Variants in SMG1 observed in about 807,000 individuals in gnomAD.
SMG1 encodes serine/threonine-protein kinase SMG1.
A neutral mutation model predicts 419.9 loss-of-function variants in SMG1; 22 were observed. That is an observed-to-expected ratio of 0.05 (90% CI 0.04 to 0.07). SMG1 has a LOEUF of 0.07. Among genes scored for constraint, SMG1 ranks in the 10% least tolerant of loss-of-function variants. The pLI is 1.00. For missense variants in SMG1, 3,185 were observed against 4,342.0 expected, an observed-to-expected ratio of 0.73 and a Z score of 7.49; for synonymous variants, 1,538 against 1,553.5, an observed-to-expected ratio of 0.99 and a Z score of 0.23.
chr16:18,873,718 G>A (rs959852204), intron 13 of SMG1, among the ~76,000 whole-genome samples: 3 of 152,190 alleles, frequency 2.0e-5, no homozygotes, highest in Non-Finnish European at 2.9e-5. Context: ...GAAGTAGACT[G>A]TATTTCCTCA....
intron 13 of SMG1, chr16:18,875,629 A>G (rs919566435): frequency 1.3e-5 from 2 of 155,088 alleles, no homozygotes; most frequent in African/African-American, 2.4e-5. Context: ...TCCAAAATCC[A>G]AAACACTTCC....
intron 36 of SMG1, 126 bp downstream of exon 36, chr16:18,849,091 A>ACCCTAC: frequency 4.4e-6 from 1 of 224,844 alleles, no homozygotes; most frequent in Non-Finnish European, 8.1e-6. Flanking sequence ...AAAAAAAAAA[A>ACCCTAC]AAAAAAAAAA....
At position 18,885,582 on chromosome 16, in the gene SMG1, C is replaced by G; in HGVS notation, c.907G>C (p.Val303Leu). Residue 303 changes from valine (V) to leucine (L), a missense_variant, in exon 7 of 63, where the codon GTG (valine) becomes CTG (leucine). Coordinates refer to ENST00000446231, the MANE Select transcript of SMG1 (RefSeq NM_015092.5). ...AAAATATGAGGGTAACATCGAGCCACCAAAAGAATGCACTTAACACATTTA... is the reference window on the plus strand; with the variant it reads ...AAAATATGAGGGTAACATCGAGCCAGCAAAAGAATGCACTTAACACATTTA... ...LCKCVKCILL[V>L]ARCYPHIFST... 6.3e-7 allele frequency: 1 copy of G among 1,596,042 alleles called. No individual in the cohort carries two copies. The highest frequency in any genetic ancestry group is 1.3e-5 in the African/African-American group (1 of 74,908).
At chr16:18,883,045 C>T (rs1300695659) in intron 9 of SMG1, among the ~76,000 whole-genome samples, 1 of 151,910 alleles carries the variant, frequency 6.6e-6, no homozygotes, top group African/African-American at 2.4e-5. Context: ...AACACAGAAG[C>T]GAAACACTTC....
At chr16:18,835,207 C>A (rs1251800679) in intron 48 of SMG1, 43 bp from the exon 49 acceptor site, 3 of 1,550,546 alleles carry the variant, frequency 1.9e-6, no homozygotes, top group Admixed American at 3.8e-5. Flanking sequence ...ACACAACCAC[C>A]CCCAACATAC....
At chr16:18,881,183 C>A (rs982044818) in intron 10 of SMG1, among the ~76,000 whole-genome samples, 2 of 151,290 alleles carry the variant, frequency 1.3e-5, no homozygotes, top group African/African-American at 4.8e-5. Context: ...TCTCAAAGGC[C>A]TAAAAGATCC....
chr16:18,882,839 C>CA (rs1479141639), intron 9 of SMG1, among the ~76,000 whole-genome samples: 1 of 152,112 alleles, frequency 6.6e-6, no homozygotes, highest in African/African-American at 2.4e-5. Flanking sequence ...ACAAGATTCG[C>CA]AAAAACTGGG....
At chr16:18,900,460 A>C (rs2037302799) in intron 1 of SMG1, among the ~76,000 whole-genome samples, 1 of 152,204 alleles carries the variant, frequency 6.6e-6, no homozygotes, top group Admixed American at 6.5e-5. Flanking sequence ...GTAGCCTTGC[A>C]GTCCATTCTT....
chr16:18,871,480 T>C lies in SMG1; in HGVS notation c.2186A>G (p.Lys729Arg). Reference protein sequence around the residue: ...KKDNLNQDTRKLLMTWALEAA... With the variant: ...KKDNLNQDTRRLLMTWALEAA... ...TTCCAAAGCCCAAGTCATTAACAGT[T>C]TCCTGAAACACAAAATATACAGTTG... Residue 729 changes from lysine (K) to arginine (R), a missense_variant and splice_region_variant, in exon 16 of 63, where the codon AAA (lysine) becomes AGA (arginine). Physicochemically the swap from Lys to Arg is conservative, Grantham distance 26. This residue lies in a region of SMG1 where 297 missense variants were observed against 491.0 expected (regional missense o/e 0.60). Coordinates refer to ENST00000446231, the MANE Select transcript of SMG1 (RefSeq NM_015092.5). 6.4e-7 allele frequency: 1 copy of C among 1,554,888 alleles called. No individual in the cohort carries two copies. The highest frequency in any genetic ancestry group is 1.2e-5 in the South Asian group (1 of 83,692).
chr16:18,815,140 T>G, intron 60 of SMG1, 35 bp downstream of exon 60: 1 of 1,333,070 alleles, frequency 7.5e-7, no homozygotes, highest in Non-Finnish European at 1.1e-6. Flanking sequence ...TGTGTAACAT[T>G]AACAACAGAT....
chr16:18,874,763 G>A (rs1347013944), intron 13 of SMG1, among the ~76,000 whole-genome samples: 1 of 148,958 alleles, frequency 6.7e-6, no homozygotes, highest in Non-Finnish European at 1.5e-5. Context: ...CTGCTCGGGA[G>A]GCTGAGGCAG....
intron 1 of SMG1, among the ~76,000 whole-genome samples, chr16:18,924,675 G>A (rs571362052): frequency 1.3e-5 from 2 of 151,146 alleles, no homozygotes; most frequent in African/African-American, 4.8e-5. Flanking sequence ...TTTTTTTTAC[G>A]ACTAAACATC....
intron 3 of SMG1, among the ~76,000 whole-genome samples, chr16:18,893,592 C>T (rs1366676662): frequency 6.6e-6 from 1 of 152,060 alleles, no homozygotes; most frequent in Non-Finnish European, 1.5e-5. Context: ...TGCATTCCAG[C>T]CTGGGTGACA....
rs553763316 is a variant in SMG1 at position 18,863,083 on chromosome 16, T to C, written c.3695+567A>G. 6.6e-5 allele frequency among the ~76,000 whole-genome samples: 10 copies of C among 152,368 alleles called. No homozygotes were observed. In the South Asian group the frequency reaches 1.2e-3, roughly 19 times the overall value. ...TCTGTTTTATGTGCTGCCTGGGTCA[T>C]AGTACATGCTCAGTGAAGCAATTAC... On this transcript the variant is annotated intron_variant, in intron 25 of 62. Transcript: ENST00000446231.
chr16:18,829,411 T>C lies in SMG1; in HGVS notation c.9478A>G (p.Thr3160Ala), dbSNP rs756073476. ...KFSQLVMNRA[T>A]VLASSYDTAW... ...GTGTCGTAAGAACTTGCTAACACAG[T>C]TGCCCTGTTCATAACCAGCTGAGAG... Residue 3160 changes from threonine (T) to alanine (A), a missense_variant, in exon 54 of 63, where the codon ACT (threonine) becomes GCT (alanine). This residue lies in a region of SMG1 where 737 missense variants were observed against 846.6 expected (regional missense o/e 0.87). Coordinates refer to ENST00000446231, the MANE Select transcript of SMG1 (RefSeq NM_015092.5). 24 of 1,613,936 alleles carry C rather than the reference T, an allele frequency of 1.5e-5. No homozygotes were observed. Among genetic ancestry groups the C allele is most frequent in the Middle Eastern group, 3.3e-4 (2 of 6,084 alleles).
At chr16:18,857,429 A>G (rs879662373) in intron 29 of SMG1, 5 of 152,264 alleles carry the variant, frequency 3.3e-5, no homozygotes, top group East Asian at 1.9e-4. Flanking sequence ...GAACACAAAA[A>G]TAAGTCTTAT....
At chr16:18,902,730 G>A in intron 1 of SMG1, among the ~76,000 whole-genome samples, 1 of 151,458 alleles carries the variant, frequency 6.6e-6, no homozygotes. Flanking sequence ...GAGTGGTCTT[G>A]GGAACCCCCA....
chr16:18,817,607 A>C (rs970595688), intron 56 of SMG1, 137 bp from the exon 57 acceptor site: 9 of 673,796 alleles, frequency 1.3e-5, no homozygotes, highest in Non-Finnish European at 2.2e-5. Context: ...AATGTTTGGG[A>C]AATAGACCAA....
At chr16:18,876,481 C>A in intron 12 of SMG1, 88 bp from the exon 13 acceptor site, 1 of 1,408,874 alleles carries the variant, frequency 7.1e-7, no homozygotes, top group Non-Finnish European at 9.6e-7. Flanking sequence ...TGTATTAGTG[C>A]TGACGATACA....
Sources: gnomAD v4.1 joint callset for allele counts (sites outside exome capture counted in the v4.1 genomes callset) on GRCh38, gnomAD v4.1.1 for gene constraint, gnomAD v4.1.1 regional missense constraint, MANE v1.5 for transcripts, NCBI Gene and HGNC (gene_info 2026-07-23, HGNC 2026-07-21) for gene names.